The following MIDN variants were observed in gnomAD, a reference collection of about 807,000 sequenced individuals.
MIDN encodes the protein midnolin.
In MIDN, 26 loss-of-function variants were observed where a neutral mutation model predicts 46.1. The ratio of observed to expected loss-of-function variants is 0.56; its 90% CI spans 0.41 to 0.78. The LOEUF is 0.78. MIDN is among the 30% of genes least tolerant of loss of function. MIDN has a pLI of 0.00. For synonymous variants in MIDN, 432 were observed against 343.3 expected, an observed-to-expected ratio of 1.26 and a Z score of -2.86; for missense variants, 850 against 771.8, an observed-to-expected ratio of 1.10 and a Z score of -1.20.
At chr19:1,250,737 C>A (rs1246141558) in intron 2 of MIDN, among the ~76,000 whole-genome samples, 2 of 151,592 alleles carry the variant, frequency 1.3e-5, no homozygotes, top group East Asian at 2.0e-4. Context: ...GCGAGGGCGT[C>A]CCGGGCCGGG....
chr19:1,253,235 G>A (rs1216736561), intron 4 of MIDN, among the ~76,000 whole-genome samples: 2 of 151,738 alleles, frequency 1.3e-5, no homozygotes, highest in African/African-American at 2.4e-5. Context: ...GGGGTAGGGG[G>A]CCGGGCAGGC....
Position 1,257,368 on chromosome 19 carries a change from C to A in MIDN, c.*96C>A. ...GAGAACGTGGCCCAGCCCTGGAGGG[C>A]AGGCGGCCACTCCCCCAGCCAGAAG... On this transcript the variant is annotated 3_prime_UTR_variant, in exon 9 of 9. Coordinates refer to ENST00000682408, the MANE Select transcript of MIDN (RefSeq NM_001388306.1). The A allele has an allele frequency of 1.1e-6, 1 of 911,986 alleles. No individual in the cohort carries two copies. The highest frequency in any genetic ancestry group is 1.7e-6 in the Non-Finnish European group (1 of 580,880). 56.5% of individuals were successfully genotyped at this position (911,986 alleles called of 1,614,324 possible). A position where few individuals can be genotyped will look rare whatever the true frequency, so the allele number is the denominator to read the frequency against.
In MIDN at chr19:1,254,939, G is replaced by T; in HGVS notation, c.863G>T (p.Ser288Ile). ...TCCCCCACGGCCAGCAGCAGTGCCAGTCCTGGTGCCAGCACCACGTCTACC... is the reference window on the plus strand; with the variant it reads ...TCCCCCACGGCCAGCAGCAGTGCCATTCCTGGTGCCAGCACCACGTCTACC... The part of the protein sequence containing the change: ...DCSPTASSSA[S>I]PGASTTSTPG... The change falls in exon 7 of 9, where the codon AGT (serine) becomes ATT (isoleucine). Residue 288 changes from serine (S) to isoleucine (I), a missense_variant. Transcript: ENST00000682408. The T allele has an allele frequency of 6.2e-7, 1 of 1,611,724 alleles. No homozygotes were observed.
At chr19:1,254,607 C>A (rs898143002) in intron 6 of MIDN, 129 bp downstream of exon 6, 1 of 1,033,900 alleles carries the variant, frequency 9.7e-7, no homozygotes, top group Non-Finnish European at 1.4e-6. Context: ...TATCCTGTGA[C>A]CTCGGGCTGG....
Position 1,254,225 on chromosome 19 carries a change from A to G in MIDN, c.572A>G (p.His191Arg). The G allele has an allele frequency of 6.3e-7, 1 of 1,597,816 alleles. No homozygotes were observed. Among genetic ancestry groups the G allele is most frequent in the Non-Finnish European group, 8.5e-7 (1 of 1,177,784 alleles). Residue 191 changes from histidine (H) to arginine (R), a missense_variant, in exon 6 of 9, where the codon CAC becomes CGC. Coordinates refer to ENST00000682408, the MANE Select transcript of MIDN (RefSeq NM_001388306.1). ...PLTLALRVGDHMMFVQLQLAA... is the reference protein window; with the variant it reads ...PLTLALRVGDRMMFVQLQLAA... ...ACACTGGCCTTGCGTGTGGGCGACC[A>G]CATGATGTTCGTGCAGCTGCAGCTC...
rs374725598 is a variant in MIDN at position 1,253,106 on chromosome 19, T to A, written c.385-848T>A. 4.6e-5 allele frequency among the ~76,000 whole-genome samples: 7 copies of A among 151,184 alleles called. No homozygotes were observed. The East Asian group carries it at 7.8e-4, about 17-fold the overall frequency. On this transcript the variant is annotated intron_variant, in intron 4 of 8. Coordinates refer to ENST00000682408, the MANE Select transcript of MIDN (RefSeq NM_001388306.1). ...GGTTGCTTCCCTGCCTGGCACCGAG[T>A]CATGCCCGCCCATTAGCCTTCCCCA...
intron 4 of MIDN, chr19:1,253,615 C>G (rs569985854): frequency 3.8e-5 from 6 of 157,638 alleles, no homozygotes; most frequent in Non-Finnish European, 8.4e-5. Context: ...TTCCTGCAGC[C>G]TTGCCACAGC....
chr19:1,257,291 C>G lies in MIDN; in HGVS notation c.*19C>G. 1 of 1,606,200 alleles carries G rather than the reference C, an allele frequency of 6.2e-7. No individual in the cohort carries two copies. The highest frequency in any genetic ancestry group is 1.1e-5 in the South Asian group (1 of 90,862). ...GGCTTAGGATCTTCGGATCGGCCACCCTCGCCCCTCGCACCCCAGCCCAGG... is the reference window on the plus strand; with the variant it reads ...GGCTTAGGATCTTCGGATCGGCCACGCTCGCCCCTCGCACCCCAGCCCAGG... On this transcript the variant is annotated 3_prime_UTR_variant, in exon 9 of 9. Transcript: ENST00000682408.
rs369963820 is a variant in MIDN, at chr19:1,255,633, G to A, written c.1197G>A (p.Thr399=). The A allele has an allele frequency of 1.8e-5, 29 of 1,605,784 alleles. No homozygotes were observed. The African/African-American group carries it at 2.5e-4, about 14-fold the overall frequency. The change falls in exon 8 of 9, where the codon ACG becomes ACA. Residue 399 remains threonine (T), a synonymous_variant. Transcript: ENST00000682408. ...APRTTSCEKL[T]AAPSASLLQG... ...GAACTACCTCCTGCGAGAAGCTCAC[G>A]GCTGCCCCCTCAGCCTCCCTGCTGC...
Position 1,254,442 on chromosome 19 carries a change from C to T in MIDN, c.789C>T (p.Ser263=), listed in dbSNP as rs1599985154. ...PASPSPITAG[S]FRSHAASTTC... ...CTCCCTCGCCCATCACAGCCGGCTC[C>T]TTCCGGTCCCACGCAGCCTCCACCA... Residue 263 remains serine (S), a synonymous_variant, in exon 6 of 9, where the codon TCC becomes TCT. Coordinates refer to ENST00000682408, the MANE Select transcript of MIDN (RefSeq NM_001388306.1). 1.9e-6 allele frequency: 3 copies of T among 1,564,836 alleles called. No homozygotes were observed. The highest frequency in any genetic ancestry group is 2.6e-6 in the Non-Finnish European group (3 of 1,162,374).
rs2081219930 is a variant in MIDN at position 1,257,823 on chromosome 19, C to G, written c.*551C>G. 1 of 153,360 alleles carries G rather than the reference C, an allele frequency of 6.5e-6. No individual in the cohort carries two copies. The allele number at this position is 153,360 out of a possible 1,614,324, so 9.5% of individuals were successfully genotyped here. A position where few individuals can be genotyped will look rare whatever the true frequency, so the allele number is the denominator to read the frequency against. On this transcript the variant is annotated 3_prime_UTR_variant, in exon 9 of 9. Transcript: ENST00000682408. ...CTCCACCCCAGGCCAGCAGCGCCCA[C>G]TGGGCTACAGCAAGCCAACAGGTCA...
At chr19:1,255,901 C>T (rs990374916) in intron 8 of MIDN, among the ~76,000 whole-genome samples, 4 of 152,264 alleles carry the variant, frequency 2.6e-5, no homozygotes, top group Admixed American at 2.0e-4. Context: ...TCCCGGGGGG[C>T]CACAGGCCCA....
At chr19:1,254,873 C>G (rs117454996) in intron 6 of MIDN, 29 bp from the exon 7 acceptor site, 1 of 1,581,016 alleles carries the variant, frequency 6.3e-7, no homozygotes, top group Non-Finnish European at 8.6e-7. Flanking sequence ...TCCTGGACCC[C>G]GTGCTCATGT....
intron 6 of MIDN, 122 bp from the exon 7 acceptor site, chr19:1,254,780 C>T (rs919601952): frequency 1.3e-5 from 16 of 1,201,878 alleles, no homozygotes; most frequent in South Asian, 7.1e-5. Context: ...GCTAGTTTAT[C>T]TCTAAACCCT....
chr19:1,255,238 G>A (rs191806333), intron 7 of MIDN, among the ~76,000 whole-genome samples, 177 bp downstream of exon 7: 109 of 152,184 alleles, frequency 7.2e-4, no homozygotes, highest in Non-Finnish European at 1.1e-3. Flanking sequence ...TGCCCGGGGG[G>A]CCGCGGGTCA....
chr19:1,253,061 G>T (rs1248912488), intron 4 of MIDN, among the ~76,000 whole-genome samples: 1 of 151,400 alleles, frequency 6.6e-6, no homozygotes. Context: ...GGTGCTGGGC[G>T]GAGACACTGG....
Position 1,249,565 on chromosome 19 carries a change from G to C in MIDN, c.-407-325G>C, listed in dbSNP as rs1051353519. ...GCCCCCCGGGGCGCGCCCGCCCTTT[G>C]TTGCGGGCTCCGGGCGCTTATGAAT... is the stretch of plus-strand genomic sequence containing the variant. On this transcript the variant is annotated intron_variant, in intron 1 of 8. Transcript: ENST00000682408. Among the ~76,000 whole-genome samples, 164 of 150,048 alleles carry C rather than the reference G, an allele frequency of 1.1e-3. 1 individual carries two copies. The highest frequency in any genetic ancestry group is 2.2e-3 in the Non-Finnish European group (148 of 67,330).
At position 1,258,702 on chromosome 19, in the gene MIDN, G is replaced by A. The variant is rs542623087; in HGVS notation, c.*1430G>A. ...GAACATCACGTGTTATAACTGTAGCGCTGTAAATTTTTTTGTGGGAGGGTG... is the reference window on the plus strand; with the variant it reads ...GAACATCACGTGTTATAACTGTAGCACTGTAAATTTTTTTGTGGGAGGGTG... On this transcript the variant is annotated 3_prime_UTR_variant, in exon 9 of 9. Coordinates refer to ENST00000682408, the MANE Select transcript of MIDN (RefSeq NM_001388306.1). The A allele has an allele frequency of 1.6e-4, 21 of 130,820 alleles. No individual in the cohort carries two copies. Among genetic ancestry groups the A allele is most frequent in the South Asian group, 2.8e-4 (1 of 3,552 alleles). 8.1% of individuals were successfully genotyped at this position (130,820 alleles called of 1,614,324 possible). A position where few individuals can be genotyped will look rare whatever the true frequency, so the allele number is the denominator to read the frequency against.
intron 8 of MIDN, among the ~76,000 whole-genome samples, chr19:1,255,923 C>G (rs981343543): frequency 6.6e-6 from 1 of 152,254 alleles, no homozygotes; most frequent in South Asian, 2.1e-4. Flanking sequence ...TTCCTCCTGC[C>G]CCACCCCCAC....
Sources: allele counts gnomAD v4.1 joint callset (sites outside exome capture counted in the v4.1 genomes callset), GRCh38; gene constraint gnomAD v4.1.1; transcripts MANE v1.5; gene names NCBI Gene and HGNC (gene_info 2026-07-23, HGNC 2026-07-21).